The following BMPER variants were observed in gnomAD, a reference collection of about 807,000 sequenced individuals.
BMPER encodes BMP binding endothelial regulator, also known as BMP-binding endothelial regulator protein.
Under a neutral mutation model 87.3 loss-of-function variants are expected in BMPER, and 45 were observed. That is an observed-to-expected ratio of 0.52 (90% CI 0.41 to 0.66). The LOEUF (loss-of-function observed/expected upper bound fraction) is 0.66. Among genes scored for constraint, BMPER ranks in the 30% least tolerant of loss-of-function variants. The pLI is 0.00. For synonymous variants in BMPER, 326 were observed against 316.2 expected (o/e 1.03, Z -0.33); for missense variants, 784 against 867.5 (o/e 0.90, Z 1.21).
chr7:34,036,799 CT>C (rs1266612356), intron 6 of BMPER, among the ~76,000 whole-genome samples: 1 of 152,180 alleles, frequency 6.6e-6, no homozygotes, highest in Non-Finnish European at 1.5e-5. Context: ...ATATCGCAGT[CT>C]TTCATCAGTG....
chr7:33,946,881 A>G (rs1352446526), intron 3 of BMPER, among the ~76,000 whole-genome samples: 1 of 152,160 alleles, frequency 6.6e-6, no homozygotes, highest in African/African-American at 2.4e-5. Flanking sequence ...TGTTCCATTC[A>G]TTTATTAATT....
At chr7:33,984,283 T>A (rs1209987431) in intron 6 of BMPER, among the ~76,000 whole-genome samples, 1 of 152,040 alleles carries the variant, frequency 6.6e-6, no homozygotes, top group Non-Finnish European at 1.5e-5. Context: ...CTGACCAATA[T>A]GGTGAAACCC....
chr7:34,011,682 TAAG>T (rs1191290735), intron 6 of BMPER, among the ~76,000 whole-genome samples: 45 of 149,376 alleles, frequency 3.0e-4, no homozygotes, highest in Non-Finnish European at 1.3e-4. Flanking sequence ...TTCTTTTGAA[TAAG>T]AAGAACAAGC....
At chr7:33,946,499 C>T (rs1784898249) in intron 3 of BMPER, among the ~76,000 whole-genome samples, 1 of 152,200 alleles carries the variant, frequency 6.6e-6, no homozygotes, top group Non-Finnish European at 1.5e-5. Context: ...GGTTCTGGCA[C>T]ACACAAAGGC....
rs10265207 is a variant in BMPER, at chr7:33,970,334, C to T, written c.408C>T (p.Gly136=). ...TGTTTTGTTCTGTGTTTCAGGAGGG[C>T]GTTGTCACAGAGTCTGGGGTGCGCT... The part of the protein sequence containing the change: ...EPCVLRQCQE[G]VVTESGVRCV... The change falls in exon 5 of 15, where the codon GGC becomes GGT. Residue 136 remains glycine (G), a synonymous_variant. Transcript: ENST00000649409. The T allele has an allele frequency of 0.46, 743,187 of 1,610,652 alleles. 173,000 individuals are homozygous for T. The highest frequency in any genetic ancestry group is 0.52 in the South Asian group (47,263 of 91,006).
At chr7:34,076,250 G>T (rs984975609) in intron 11 of BMPER, among the ~76,000 whole-genome samples, 4 of 152,076 alleles carry the variant, frequency 2.6e-5, no homozygotes, top group African/African-American at 9.7e-5. Context: ...ATGACGACTT[G>T]CTTTGTCATG....
intron 3 of BMPER, among the ~76,000 whole-genome samples, chr7:33,962,252 CT>C (rs1423585463): frequency 1.3e-5 from 2 of 152,162 alleles, no homozygotes; most frequent in African/African-American, 2.4e-5. Context: ...CTAAGCCAAG[CT>C]TCTCTACAAG....
chr7:33,972,490 A>G (rs1785574546), intron 5 of BMPER, among the ~76,000 whole-genome samples: 2 of 152,122 alleles, frequency 1.3e-5, no homozygotes, highest in Non-Finnish European at 2.9e-5. Context: ...GCTGAACTCC[A>G]TGACTGCTCA....
intron 14 of BMPER, among the ~76,000 whole-genome samples, chr7:34,148,156 T>A (rs1791078626): frequency 6.6e-6 from 1 of 152,156 alleles, no homozygotes; most frequent in Non-Finnish European, 1.5e-5. Context: ...TAAGCCACAG[T>A]ACCTTGCTGT....
At chr7:33,975,781 A>C (rs979335760) in intron 6 of BMPER, among the ~76,000 whole-genome samples, 7 of 152,202 alleles carry the variant, frequency 4.6e-5, no homozygotes, top group African/African-American at 1.7e-4. Context: ...AAGCAGAATC[A>C]TATTTGGATC....
chr7:34,101,936 C>A, intron 13 of BMPER, among the ~76,000 whole-genome samples: 1 of 152,204 alleles, frequency 6.6e-6, no homozygotes. Context: ...TATTTGGCTG[C>A]AATAGGTACT....
chr7:34,150,608 T>C (rs1025631589), intron 14 of BMPER, among the ~76,000 whole-genome samples: 1 of 151,998 alleles, frequency 6.6e-6, no homozygotes, highest in Non-Finnish European at 1.5e-5. Context: ...TGTTAGTCAC[T>C]GAGAAGAGAA....
intron 11 of BMPER, among the ~76,000 whole-genome samples, chr7:34,072,411 C>G (rs2127970936): frequency 6.6e-6 from 1 of 151,742 alleles, no homozygotes; most frequent in Middle Eastern, 3.5e-3. Flanking sequence ...TGTGTTTCTT[C>G]TGAATGCCCT....
intron 11 of BMPER, among the ~76,000 whole-genome samples, chr7:34,063,377 ATATGTGTGTGTGTG>A (rs1415489867): frequency 1.7e-5 from 2 of 120,518 alleles, no homozygotes; most frequent in Admixed American, 8.6e-5. Flanking sequence ...CAGGGTCACT[ATATGTGTGTGTGTG>A]TGTGTGTGTG....
chr7:33,960,385 G>A (rs1785238511), intron 3 of BMPER, among the ~76,000 whole-genome samples: 1 of 152,124 alleles, frequency 6.6e-6, no homozygotes, highest in African/African-American at 2.4e-5. Context: ...GGAGAACAGT[G>A]TCTGAAAAGT....
chr7:34,136,279 GT>G (rs960567241), intron 13 of BMPER, among the ~76,000 whole-genome samples: 1 of 152,130 alleles, frequency 6.6e-6, no homozygotes, highest in African/African-American at 2.4e-5. Flanking sequence ...TGACAGTGGT[GT>G]TTTTTGTACC....
intron 2 of BMPER, among the ~76,000 whole-genome samples, chr7:33,935,624 G>C (rs1585652870): frequency 6.6e-6 from 1 of 152,128 alleles, no homozygotes; most frequent in East Asian, 1.9e-4. Context: ...AGGAGAAAGA[G>C]AGAGAGAGAG....
chr7:33,982,472 G>A (rs1785890790), intron 6 of BMPER, among the ~76,000 whole-genome samples: 1 of 151,142 alleles, frequency 6.6e-6, no homozygotes, highest in Non-Finnish European at 1.5e-5. Flanking sequence ...CACTATGGAT[G>A]TACCATCTTG....
At chr7:34,065,701 TA>T (rs1371311853) in intron 11 of BMPER, among the ~76,000 whole-genome samples, 1 of 152,330 alleles carries the variant, frequency 6.6e-6, no homozygotes, top group South Asian at 2.1e-4. Context: ...CTTGAATGAT[TA>T]AAAAAAGTTG....
Sources: allele counts gnomAD v4.1 joint callset (sites outside exome capture counted in the v4.1 genomes callset), GRCh38; gene constraint gnomAD v4.1.1; transcripts MANE v1.5; gene names NCBI Gene and HGNC (gene_info 2026-07-23, HGNC 2026-07-21).